Variants in PCOLCE2 observed in about 807,000 individuals in gnomAD.
PCOLCE2 encodes the protein procollagen C-proteinase enhancer 2.
In PCOLCE2, 42 loss-of-function variants were observed where a neutral mutation model predicts 47.0. The observed-to-expected ratio is 0.89, with a 90% CI of 0.70 to 1.16. The LOEUF (loss-of-function observed/expected upper bound fraction) is 1.16. Among genes scored for constraint, PCOLCE2 ranks in the 50% most tolerant of loss-of-function variants. The pLI is 0.00. For missense variants in PCOLCE2, 500 were observed against 526.1 expected (o/e 0.95, Z 0.49); for synonymous variants, 169 against 191.7 (o/e 0.88, Z 0.98).
intron 3 of PCOLCE2, among the ~76,000 whole-genome samples, chr3:142,844,539 T>C (rs919223415): frequency 6.6e-6 from 1 of 152,232 alleles, no homozygotes; most frequent in African/African-American, 2.4e-5. Flanking sequence ...CTTCGGTTGC[T>C]TTACATCTTT....
chr3:142,857,847 C>A (rs943610259), intron 2 of PCOLCE2, among the ~76,000 whole-genome samples: 1 of 152,204 alleles, frequency 6.6e-6, no homozygotes, highest in African/African-American at 2.4e-5. Context: ...AGTCCAAACT[C>A]CTCAGAATCA....
At chr3:142,838,994 G>A in intron 4 of PCOLCE2, 88 bp from the exon 5 acceptor site, 1 of 1,025,260 alleles carries the variant, frequency 9.8e-7, no homozygotes, top group African/African-American at 1.6e-5. Flanking sequence ...CAGATTTGGA[G>A]GATACTACGA....
Position 142,848,419 on chromosome 3 carries a change from AC to A in PCOLCE2, c.245del (p.Ser82MetfsTer41). 1 of 1,610,330 alleles carries A rather than the reference AC, an allele frequency of 6.2e-7. No individual in the cohort carries two copies. Among genetic ancestry groups the A allele is most frequent in the African/African-American group, 1.3e-5 (1 of 74,978 alleles). Reference protein sequence around the residue: ...VLNFRFIDLESDNLCRYDFVD... With the variant: ...VLNFRFIDLEXDNLCRYDFVD... ...CAAAGTCATAGCGGCACAGGTTGTCACTCTCGAGGTCTATGAATCGGAAATT... is the reference window on the plus strand; with the variant it reads ...CAAAGTCATAGCGGCACAGGTTGTCATCTCGAGGTCTATGAATCGGAAATT... On this transcript the variant is annotated frameshift_variant, in exon 3 of 9. Transcript: ENST00000295992. LOFTEE classifies it high-confidence loss of function.
intron 5 of PCOLCE2, among the ~76,000 whole-genome samples, chr3:142,838,243 C>T (rs1275928527): frequency 6.6e-6 from 1 of 152,082 alleles, no homozygotes; most frequent in African/African-American, 2.4e-5. Flanking sequence ...GTGGTGCTGA[C>T]TCCATGGTTA....
chr3:142,818,269 T>G lies in PCOLCE2; in HGVS notation c.*66A>C. 1 of 1,399,662 alleles carries G rather than the reference T, an allele frequency of 7.1e-7. No individual in the cohort carries two copies. The highest frequency in any genetic ancestry group is 1.0e-6 in the Non-Finnish European group (1 of 1,003,760). 86.7% of individuals were successfully genotyped at this position (1,399,662 alleles called of 1,614,324 possible). ...GTAATTTTATAAGTATTTTTTTTTC[T>G]ACTGAGAGAACATAGATCTTTCAAA... On this transcript the variant is annotated 3_prime_UTR_variant, in exon 9 of 9. Transcript: ENST00000295992.
intron 2 of PCOLCE2, among the ~76,000 whole-genome samples, chr3:142,856,279 C>T (rs1933056191): frequency 1.3e-5 from 2 of 152,160 alleles, no homozygotes; most frequent in South Asian, 4.1e-4. Context: ...ACTGTAATTT[C>T]CATGGCCTCT....
chr3:142,830,922 AT>A (rs1326795983), intron 5 of PCOLCE2, among the ~76,000 whole-genome samples: 9 of 152,256 alleles, frequency 5.9e-5, no homozygotes, highest in Middle Eastern at 3.4e-3. Context: ...ATGAAGCAGC[AT>A]TTTTTTCCCC....
intron 2 of PCOLCE2, among the ~76,000 whole-genome samples, chr3:142,882,901 G>A (rs1933652974): frequency 6.6e-6 from 1 of 152,056 alleles, no homozygotes; most frequent in African/African-American, 2.4e-5. Context: ...TTGGTTTTAA[G>A]TTTGGAAACC....
At chr3:142,829,336 G>A (rs766268311) in intron 6 of PCOLCE2, among the ~76,000 whole-genome samples, 2 of 150,592 alleles carry the variant, frequency 1.3e-5, no homozygotes, top group African/African-American at 2.4e-5. Context: ...AGATAGCAAG[G>A]CCCTAGAACT....
At chr3:142,824,918 G>A (rs1169098781) in intron 6 of PCOLCE2, among the ~76,000 whole-genome samples, 3 of 152,104 alleles carry the variant, frequency 2.0e-5, no homozygotes, top group African/African-American at 7.2e-5. Context: ...GTAAGCCACC[G>A]CGCCCAGCCT....
intron 5 of PCOLCE2, among the ~76,000 whole-genome samples, chr3:142,837,819 C>G (rs1937221453): frequency 6.6e-6 from 1 of 152,206 alleles, no homozygotes; most frequent in Admixed American, 6.5e-5. Context: ...CAATGTCACA[C>G]AGTTATTAAG....
intron 2 of PCOLCE2, among the ~76,000 whole-genome samples, chr3:142,876,328 A>G (rs1237734750): frequency 6.6e-6 from 1 of 152,056 alleles, no homozygotes; most frequent in Non-Finnish European, 1.5e-5. Flanking sequence ...CTGTACACAC[A>G]GTAATTTCAG....
intron 6 of PCOLCE2, among the ~76,000 whole-genome samples, chr3:142,828,569 G>A (rs999794955): frequency 5.3e-5 from 8 of 152,092 alleles, no homozygotes; most frequent in Non-Finnish European, 7.3e-5. Context: ...CTATGAGTGC[G>A]GCTACCGATG....
chr3:142,850,894 G>A (rs1052789397), intron 2 of PCOLCE2, among the ~76,000 whole-genome samples: 2 of 152,190 alleles, frequency 1.3e-5, no homozygotes, highest in African/African-American at 2.4e-5. Context: ...GAAGGATTCT[G>A]TAGAGAGGGC....
intron 2 of PCOLCE2, among the ~76,000 whole-genome samples, chr3:142,884,783 C>T (rs999281125): frequency 6.6e-6 from 1 of 152,132 alleles, no homozygotes; most frequent in East Asian, 1.9e-4. Context: ...CAACATTTTA[C>T]GTGAGTAAAA....
chr3:142,819,649 A>G (rs1236516462), intron 8 of PCOLCE2, among the ~76,000 whole-genome samples: 1 of 152,060 alleles, frequency 6.6e-6, no homozygotes, highest in Non-Finnish European at 1.5e-5. Context: ...CTTTATTTTT[A>G]AATTTTTTTC....
chr3:142,827,163 C>T, intron 6 of PCOLCE2: 1 of 1,430,120 alleles, frequency 7.0e-7, no homozygotes, highest in Non-Finnish European at 9.8e-7. Context: ...AGCAATGAGA[C>T]CCATTTTGCA....
rs1225979421 is a variant in PCOLCE2, at chr3:142,848,211, C to T, written c.448+6G>A. The T allele has an allele frequency of 1.2e-6, 2 of 1,612,250 alleles. No homozygotes were observed. Among genetic ancestry groups the T allele is most frequent in the Admixed American group, 1.7e-5 (1 of 59,960 alleles). ...TGTTGTTATTGCCATTATGTGGAAACAGTACCTCTTTCGTTTGGTTCAGCA... is the reference window on the plus strand; with the variant it reads ...TGTTGTTATTGCCATTATGTGGAAATAGTACCTCTTTCGTTTGGTTCAGCA... On this transcript the variant is annotated splice_donor_region_variant and intron_variant, in intron 3 of 8. Transcript: ENST00000295992.
At position 142,818,173 on chromosome 3, in the gene PCOLCE2, T is replaced by A; in HGVS notation, c.*162A>T. 1.7e-6 allele frequency: 1 copy of A among 593,888 alleles called. No individual in the cohort carries two copies. Among genetic ancestry groups the A allele is most frequent in the South Asian group, 2.5e-5 (1 of 39,298 alleles). 36.8% of individuals were successfully genotyped at this position (593,888 alleles called of 1,614,324 possible). On this transcript the variant is annotated 3_prime_UTR_variant, in exon 9 of 9. Coordinates refer to ENST00000295992, the MANE Select transcript of PCOLCE2 (RefSeq NM_013363.4). ...AGGCAAAGAACTTCCCTCAGCTATCTCGGAGGCCTCATACCTCCATCATGT... is the reference window on the plus strand; with the variant it reads ...AGGCAAAGAACTTCCCTCAGCTATCACGGAGGCCTCATACCTCCATCATGT...
Sources: gnomAD v4.1 joint callset for allele counts (sites outside exome capture counted in the v4.1 genomes callset) on GRCh38, gnomAD v4.1.1 for gene constraint, MANE v1.5 for transcripts, NCBI Gene and HGNC (gene_info 2026-07-23, HGNC 2026-07-21) for gene names.